Variants in NOTCH1 observed in about 807,000 individuals in gnomAD.
NOTCH1 encodes neurogenic locus notch homolog protein 1.
NOTCH1 carries 37 observed loss-of-function variants against 254.8 expected under a neutral mutation model. The observed-to-expected ratio is 0.15, with a 90% CI of 0.11 to 0.19. The LOEUF is 0.19. Among genes scored for constraint, NOTCH1 ranks in the 10% least tolerant of loss-of-function variants. The pLI is 1.00. For missense variants in NOTCH1, 2,972 were observed against 3,708.6 expected (o/e 0.80, Z 5.16); for synonymous variants, 1,731 against 1,618.1 (o/e 1.07, Z -1.68).
Position 136,510,772 on chromosome 9 carries a change from A to G in NOTCH1, c.2621T>C (p.Val874Ala), listed in dbSNP as rs2133353490. ...QTCEVDINECVLSPCRHGASC... is the reference protein window; with the variant it reads ...QTCEVDINECALSPCRHGASC... ...TGCGCCGTGCCGGCACGGGCTCAGA[A>G]CGCACTCGTTGATGTCGACCTCACA... The change falls in exon 17 of 34, where the codon GTT (valine) becomes GCT (alanine). Residue 874 changes from valine (V) to alanine (A), a missense_variant. Val to Ala is a moderately conservative substitution (Grantham distance 64). Coordinates refer to ENST00000651671, the MANE Select transcript of NOTCH1 (RefSeq NM_017617.5). The G allele has an allele frequency of 1.2e-6, 2 of 1,610,348 alleles. No homozygotes were observed. Among genetic ancestry groups the G allele is most frequent in the South Asian group, 2.2e-5 (2 of 91,074 alleles).
intron 2 of NOTCH1, among the ~76,000 whole-genome samples, chr9:136,527,690 C>T (rs1010415082): frequency 2.4e-4 from 36 of 152,332 alleles, no homozygotes; most frequent in Admixed American, 6.5e-4. Context: ...GGTGTGCCCC[C>T]GTGGACTCCC....
rs1842901499 is a variant in NOTCH1, at chr9:136,495,481, T to TTCAGATGCAAATTAA, written c.*575_*589dup. 2.5e-6 allele frequency: 1 copy of TTCAGATGCAAATTAA among 399,406 alleles called. No individual in the cohort carries two copies. Among genetic ancestry groups the TTCAGATGCAAATTAA allele is most frequent in the African/African-American group, 2.1e-5 (1 of 48,644 alleles). 24.7% of individuals were successfully genotyped at this position (399,406 alleles called of 1,614,324 possible). A position where few individuals can be genotyped will look rare whatever the true frequency, so the allele number is the denominator to read the frequency against. On this transcript the variant is annotated 3_prime_UTR_variant, in exon 34 of 34. Transcript: ENST00000651671. ...CCATATGCTTTCACTTGTTTCCTAT[T>TTCAGATGCAAATTAA]TCAGATGCAAATTAATCCGCGTGCG...
At chr9:136,515,773 C>A (rs926463082) in intron 10 of NOTCH1, 57 bp from the exon 11 acceptor site, 1 of 1,475,338 alleles carries the variant, frequency 6.8e-7, no homozygotes. Context: ...CCCCGGGACA[C>A]CCATGACCAG....
chr9:136,510,602 A>G, intron 17 of NOTCH1, 51 bp downstream of exon 17: 2 of 1,575,902 alleles, frequency 1.3e-6, no homozygotes, highest in East Asian at 2.3e-5. Flanking sequence ...GCCCGGGGGA[A>G]CTGAGGCCTG....
rs61751550 is a variant in NOTCH1 at position 136,510,747 on chromosome 9, T to A, written c.2646A>T (p.Ala882=). Residue 882 remains alanine (A), a synonymous_variant, in exon 17 of 34, where the codon GCA becomes GCT. Coordinates refer to ENST00000651671, the MANE Select transcript of NOTCH1 (RefSeq NM_017617.5). ...AGCCGCCGTGGGTGTTCTGGCAGGATGCGCCGTGCCGGCACGGGCTCAGAA... is the reference window on the plus strand; with the variant it reads ...AGCCGCCGTGGGTGTTCTGGCAGGAAGCGCCGTGCCGGCACGGGCTCAGAA... ...ECVLSPCRHG[A]SCQNTHGGYR... 3.3e-4 allele frequency: 535 copies of A among 1,610,750 alleles called. 5 individuals carry two copies. In the East Asian group the frequency reaches 0.01, roughly 32 times the overall value.
At chr9:136,525,068 C>T (rs77905917) in intron 2 of NOTCH1, among the ~76,000 whole-genome samples, 3,226 of 152,298 alleles carry the variant, frequency 0.021, 133 homozygotes, top group African/African-American at 0.074. Flanking sequence ...GTTTCCCTTT[C>T]GGCATTGAGT....
Position 136,504,773 on chromosome 9 carries a change from C to G in NOTCH1, c.4918G>C (p.Ala1640Pro). 6.4e-7 allele frequency: 1 copy of G among 1,551,704 alleles called. No individual in the cohort carries two copies. Among genetic ancestry groups the G allele is most frequent in the South Asian group, 1.2e-5 (1 of 84,212 alleles). Reference sequence around the variant, plus strand: ...ACCTGGCCCAGCAGGGCGTCAGGTGCGGCCCAGCCCTCGGCGGCACGCTTG... The same window carrying G: ...ACCTGGCCCAGCAGGGCGTCAGGTGGGGCCCAGCCCTCGGCGGCACGCTTG... ...PIKRAAEGWAAPDALLGQVKA... is the reference protein window; with the variant it reads ...PIKRAAEGWAPPDALLGQVKA... Residue 1640 changes from alanine to proline, a missense_variant, in exon 26 of 34, where the codon GCA becomes CCA. By Grantham distance (27) the Ala-to-Pro change is conservative. Around this residue, in one of 8 missense-constraint regions of NOTCH1, gnomAD observed 1,343 missense variants for 1,557.0 expected, o/e 0.86. Coordinates refer to ENST00000651671, the MANE Select transcript of NOTCH1 (RefSeq NM_017617.5).
At chr9:136,515,214 A>C (rs1359287999) in intron 12 of NOTCH1, 76 bp downstream of exon 12, 1 of 1,407,908 alleles carries the variant, frequency 7.1e-7, no homozygotes, top group African/African-American at 1.4e-5. Flanking sequence ...CCAACCCCTC[A>C]GCAGCCCCAG....
At chr9:136,537,850 T>A (rs529569518) in intron 2 of NOTCH1, among the ~76,000 whole-genome samples, 4 of 152,130 alleles carry the variant, frequency 2.6e-5, no homozygotes, top group Non-Finnish European at 5.9e-5. Context: ...CCCAGCACTT[T>A]GAGAGGCCAA....
rs750732295 is a variant in NOTCH1, at chr9:136,497,325, C to T, written c.6414G>A (p.Pro2138=). 16 of 1,606,242 alleles carry T rather than the reference C, an allele frequency of 1.0e-5. No individual in the cohort carries two copies. Among genetic ancestry groups the T allele is most frequent in the South Asian group, 4.4e-5 (4 of 91,036 alleles). ...CCAGGTAGCCGTTGGGCGAGCAGAGCGGGGGCGACAGGGTGGGCGTGCCCC... is the reference window on the plus strand; with the variant it reads ...CCAGGTAGCCGTTGGGCGAGCAGAGTGGGGGCGACAGGGTGGGCGTGCCCC... The part of the protein sequence containing the change: ...PLGGTPTLSP[P]LCSPNGYLGS... The change falls in exon 34 of 34, where the codon CCG becomes CCA. Residue 2138 remains proline (P), a synonymous_variant. Coordinates refer to ENST00000651671, the MANE Select transcript of NOTCH1 (RefSeq NM_017617.5).
At position 136,505,076 on chromosome 9, in the gene NOTCH1, G is replaced by T. The variant is rs1238501314; in HGVS notation, c.4615C>A (p.His1539Asn). Residue 1539 changes from histidine (H) to asparagine (N), a missense_variant, in exon 26 of 34, where the codon CAC (histidine) becomes AAC (asparagine). Physicochemically the swap from His to Asn is moderately conservative, Grantham distance 68. Around this residue, in one of 8 missense-constraint regions of NOTCH1, gnomAD observed 1,343 missense variants for 1,557.0 expected, o/e 0.86. Coordinates refer to ENST00000651671, the MANE Select transcript of NOTCH1 (RefSeq NM_017617.5). ...TGGTCGCAGTGCCCGTCGCTGAAGT[G>T]GTCCTTGCAGTACTGGTCGTACAGG... ...NPLYDQYCKDHFSDGHCDQGC... is the reference protein window; with the variant it reads ...NPLYDQYCKDNFSDGHCDQGC... 1 of 1,610,774 alleles carries T rather than the reference G, an allele frequency of 6.2e-7. No homozygotes were observed.
At position 136,496,733 on chromosome 9, in the gene NOTCH1, T is replaced by C. The variant is rs2133316559; in HGVS notation, c.7006A>G (p.Ser2336Gly). ...LRGSVAPGPL[S>G]TQAPSLQHGM... ...TGCTGCAGGGAGGGGGCCTGTGTGC[T>C]CAGGGGGCCTGGTGCCACACTCCCC... Residue 2336 changes from serine to glycine, a missense_variant, in exon 34 of 34, where the codon AGC (serine) becomes GGC (glycine). By Grantham distance (56) the Ser-to-Gly change is moderately conservative. Transcript: ENST00000651671. 6.2e-7 allele frequency: 1 copy of C among 1,612,792 alleles called. No individual in the cohort carries two copies. Among genetic ancestry groups the C allele is most frequent in the African/African-American group, 1.3e-5 (1 of 75,038 alleles).
intron 22 of NOTCH1, 99 bp downstream of exon 22, chr9:136,507,206 G>C: frequency 6.3e-7 from 1 of 1,590,140 alleles, no homozygotes; most frequent in South Asian, 1.1e-5. Context: ...GGAGTTTCTG[G>C]CTGGTTCCTG....
intron 4 of NOTCH1, among the ~76,000 whole-genome samples, chr9:136,521,912 C>G (rs1176660435): frequency 6.6e-6 from 1 of 152,176 alleles, no homozygotes; most frequent in Non-Finnish European, 1.5e-5. Flanking sequence ...TGAATGCCCT[C>G]TCCCCATTCC....
In NOTCH1 at chr9:136,545,826, T is replaced by A; in HGVS notation, c.-40A>T. The A allele has an allele frequency of 8.7e-7, 1 of 1,155,838 alleles. No homozygotes were observed. The highest frequency in any genetic ancestry group is 1.1e-6 in the Non-Finnish European group (1 of 925,608). 71.6% of individuals were successfully genotyped at this position (1,155,838 alleles called of 1,614,324 possible). ...TGCCCTCTGCGCCCGGGCGGCGGCC[T>A]CCTGCGCTGGCCGGCGGGGCTGGGA... is the stretch of plus-strand genomic sequence containing the variant. On this transcript the variant is annotated 5_prime_UTR_variant, in exon 1 of 34. Transcript: ENST00000651671. The surrounding 1 kb of genome is among the most constrained non-coding windows in gnomAD (Gnocchi z 6.8).
rs906609279 is a variant in NOTCH1 at position 136,516,501 on chromosome 9, C to T, written c.1556-407G>A. Among the ~76,000 whole-genome samples the T allele has an allele frequency of 3.9e-5, 6 of 152,328 alleles. No homozygotes were observed. The East Asian group carries it at 7.7e-4, about 20-fold the overall frequency. On this transcript the variant is annotated intron_variant, in intron 9 of 33. Transcript: ENST00000651671. ...CAGATGGAAACACCTTTCACCCAGGCCCCTGAGAGTTCCTCCAAGTCCGCC... is the reference window on the plus strand; with the variant it reads ...CAGATGGAAACACCTTTCACCCAGGTCCCTGAGAGTTCCTCCAAGTCCGCC...
At chr9:136,542,697 G>C (rs929176386) in intron 2 of NOTCH1, among the ~76,000 whole-genome samples, 31 of 151,990 alleles carry the variant, frequency 2.0e-4, no homozygotes, top group African/African-American at 7.2e-4. Context: ...GCTGCCCACA[G>C]GCTGGGCAGT....
chr9:136,535,936 G>T (rs1843647818), intron 2 of NOTCH1, among the ~76,000 whole-genome samples: 1 of 139,742 alleles, frequency 7.2e-6, no homozygotes, highest in Non-Finnish European at 1.6e-5. Flanking sequence ...AGTGCAGGGT[G>T]GGTGGAGAGG....
At chr9:136,516,141 T>C (rs549796088) in intron 9 of NOTCH1, 47 bp from the exon 10 acceptor site, 45 of 1,405,278 alleles carry the variant, frequency 3.2e-5, no homozygotes, top group African/African-American at 5.6e-5. Flanking sequence ...AACAGCACTA[T>C]GGCCCTTCAG....
Sources: allele counts gnomAD v4.1 joint callset (sites outside exome capture counted in the v4.1 genomes callset), GRCh38; gene constraint gnomAD v4.1.1; regional missense constraint gnomAD v4.1.1; non-coding constraint Gnocchi (gnomAD v3.1); transcripts MANE v1.5; gene names NCBI Gene and HGNC (gene_info 2026-07-23, HGNC 2026-07-21).